Variants in DDX23 observed in about 807,000 individuals in gnomAD.
DDX23 encodes DEAD-box helicase 23, also known as probable ATP-dependent RNA helicase DDX23.
A neutral mutation model predicts 102.7 loss-of-function variants in DDX23; 33 were observed. The observed-to-expected ratio is 0.32, with a 90% CI of 0.24 to 0.43. The LOEUF is 0.43. DDX23 is among the 20% of genes least tolerant of loss of function. The pLI, the probability that DDX23 is intolerant of heterozygous loss-of-function variation, is 1.00. For synonymous variants in DDX23, 352 were observed against 376.0 expected (o/e 0.94, Z 0.74); for missense variants, 549 against 1,086.6 (o/e 0.51, Z 6.96).
At position 48,836,231 on chromosome 12, in the gene DDX23, A is replaced by G; in HGVS notation, c.1272T>C (p.Ile424=). Residue 424 remains isoleucine (I), a synonymous_variant, in exon 11 of 17, where the codon ATT becomes ATC. Coordinates refer to ENST00000308025, the MANE Select transcript of DDX23 (RefSeq NM_004818.3). The surrounding 1 kb of genome is among the most constrained non-coding windows in gnomAD (Gnocchi z 6.1). The part of the protein sequence containing the change: ...PTPIQRQAIP[I]GLQNRDIIGV... ...CAATGATGTCACGATTCTGTAGCCCAATGGGAATTGCCTGACGCTGTATAG... is the reference window on the plus strand; with the variant it reads ...CAATGATGTCACGATTCTGTAGCCCGATGGGAATTGCCTGACGCTGTATAG... The G allele has an allele frequency of 6.2e-7, 1 of 1,614,160 alleles. No individual in the cohort carries two copies. The highest frequency in any genetic ancestry group is 8.5e-7 in the Non-Finnish European group (1 of 1,180,030).
chr12:48,835,073 T>C, intron 11 of DDX23: 1 of 177,402 alleles, frequency 5.6e-6, no homozygotes, highest in Non-Finnish European at 1.2e-5. Context: ...GGTAAAACCC[T>C]GTTTCTACAA....
intron 2 of DDX23, 104 bp downstream of exon 2, chr12:48,845,470 A>G: frequency 7.6e-7 from 1 of 1,321,530 alleles, no homozygotes; most frequent in Non-Finnish European, 1.1e-6. Flanking sequence ...AAAAATAAAA[A>G]TAAAAAGTAG....
chr12:48,847,052 T>C (rs1029139712), intron 1 of DDX23, among the ~76,000 whole-genome samples: 1 of 152,240 alleles, frequency 6.6e-6, no homozygotes, highest in African/African-American at 2.4e-5. Flanking sequence ...TACAAGCCCC[T>C]TTCTCATGCC....
chr12:48,832,094 G>C lies in DDX23; in HGVS notation c.2048C>G (p.Ser683Cys), dbSNP rs767706016. 6.2e-7 allele frequency: 1 copy of C among 1,614,004 alleles called. No homozygotes were observed. The change falls in exon 15 of 17, where the codon TCC (serine) becomes TGC (cysteine). Residue 683 changes from serine (S) to cysteine (C), a missense_variant. Ser to Cys is a moderately radical substitution (Grantham distance 112). This residue lies in a region of DDX23 where 270 missense variants were observed against 707.0 expected (regional missense o/e 0.38). Coordinates refer to ENST00000308025, the MANE Select transcript of DDX23 (RefSeq NM_004818.3). This position sits in a 1 kb window ranked among gnomAD's most constrained non-coding sequence, Gnocchi z 4.4. ...QKKGCDVLAK[S>C]LEKMGYNACT... Reference sequence around the variant, plus strand: ...CAGACACACCCCCATCTTCTCCAGGGATTTGGCCAACACGTCGCAGCCCTT... The same window carrying C: ...CAGACACACCCCCATCTTCTCCAGGCATTTGGCCAACACGTCGCAGCCCTT...
chr12:48,839,772 T>C (rs1938520103), intron 5 of DDX23, 72 bp downstream of exon 5: 3 of 1,503,838 alleles, frequency 2.0e-6, no homozygotes, highest in Non-Finnish European at 2.7e-6. Context: ...ACTTCTGTCG[T>C]TGAAGTCACC....
intron 1 of DDX23, among the ~76,000 whole-genome samples, chr12:48,851,253 C>T (rs767550598): frequency 6.6e-6 from 1 of 152,138 alleles, no homozygotes; most frequent in Non-Finnish European, 1.5e-5. Context: ...AGGTGGATTG[C>T]CTGAGCTCAG....
chr12:48,848,661 T>C (rs1158332576), intron 1 of DDX23, among the ~76,000 whole-genome samples: 1 of 152,070 alleles, frequency 6.6e-6, no homozygotes, highest in Non-Finnish European at 1.5e-5. Context: ...CACGGCACAC[T>C]GCAGCCTTGA....
chr12:48,839,585 G>T, intron 5 of DDX23: 4 of 245,472 alleles, frequency 1.6e-5, no homozygotes, highest in African/African-American at 2.5e-5. Flanking sequence ...AAAAAAAAAA[G>T]GGCCTTTTAG....
Position 48,836,194 on chromosome 12 carries a change from T to G in DDX23, c.1309A>C (p.Thr437Pro). The G allele has an allele frequency of 6.2e-7, 1 of 1,614,022 alleles. No homozygotes were observed. Among genetic ancestry groups the G allele is most frequent in the Non-Finnish European group, 8.5e-7 (1 of 1,180,024 alleles). Residue 437 changes from threonine to proline, a missense_variant, in exon 11 of 17, where the codon ACT becomes CCT. Thr to Pro is a conservative substitution (Grantham distance 38). This residue lies in a region of DDX23 where 270 missense variants were observed against 707.0 expected (regional missense o/e 0.38). Transcript: ENST00000308025. The surrounding 1 kb of genome is among the most constrained non-coding windows in gnomAD (Gnocchi z 6.1). ...AAGGCTGCTGTCTTGCCACTGCCAG[T>G]CTCAGCCACACCAATGATGTCACGA... ...QNRDIIGVAETGSGKTAAFLI... is the reference protein window; with the variant it reads ...QNRDIIGVAEPGSGKTAAFLI...
At chr12:48,833,143 C>T (rs969002530) in intron 13 of DDX23, 134 bp downstream of exon 13, 1 of 1,352,278 alleles carries the variant, frequency 7.4e-7, no homozygotes, top group Non-Finnish European at 1.0e-6. Flanking sequence ...ACCACCAATG[C>T]CCAGCTAATT....
intron 7 of DDX23, 34 bp from the exon 8 acceptor site, chr12:48,837,427 T>C: frequency 6.2e-7 from 1 of 1,612,774 alleles, no homozygotes. Flanking sequence ...CACATGAGCT[T>C]TGAGGCCCAA....
rs1252080392 is a variant in DDX23, at chr12:48,832,689, T to C, written c.1804-116A>G. The C allele has an allele frequency of 1.5e-6, 2 of 1,296,448 alleles. No individual in the cohort carries two copies. The highest frequency in any genetic ancestry group is 1.6e-5 in the South Asian group (1 of 63,926). 80.3% of individuals were successfully genotyped at this position (1,296,448 alleles called of 1,614,324 possible). On this transcript the variant is annotated intron_variant, in intron 13 of 16. Coordinates refer to ENST00000308025, the MANE Select transcript of DDX23 (RefSeq NM_004818.3). The surrounding 1 kb of genome is among the most constrained non-coding windows in gnomAD (Gnocchi z 4.4). ...TCTAAAATGGGCCACAGTATAGGCT[T>C]TGATAGCCACCACCTTAGAAAATAG...
At position 48,836,065 on chromosome 12, in the gene DDX23, A is replaced by C; in HGVS notation, c.1382+56T>G. The C allele has an allele frequency of 6.3e-7, 1 of 1,580,170 alleles. No homozygotes were observed. Among genetic ancestry groups the C allele is most frequent in the Non-Finnish European group, 8.7e-7 (1 of 1,155,028 alleles). ...AACAAAAATCAAACATTCATTTGCC[A>C]CTTTCACCTTTCCTACCCAGACAAA... is the stretch of plus-strand genomic sequence containing the variant. On this transcript the variant is annotated intron_variant, in intron 11 of 16. Coordinates refer to ENST00000308025, the MANE Select transcript of DDX23 (RefSeq NM_004818.3). This position sits in a 1 kb window ranked among gnomAD's most constrained non-coding sequence, Gnocchi z 6.1.
rs2137478912 is a variant in DDX23 at position 48,830,397 on chromosome 12, G to T, written c.*72C>A. The stretch of plus-strand genomic sequence containing the variant: ...CCAAGAGTGAGGACCTGGAAAGAGG[G>T]ATGTGAGGGTTCTGAAAAACAGGCA... On this transcript the variant is annotated 3_prime_UTR_variant, in exon 17 of 17. Transcript: ENST00000308025. The surrounding 1 kb of genome is among the most constrained non-coding windows in gnomAD (Gnocchi z 4.9). The T allele has an allele frequency of 1.3e-6, 2 of 1,519,424 alleles. No individual in the cohort carries two copies. Among genetic ancestry groups the T allele is most frequent in the South Asian group, 1.1e-5 (1 of 88,014 alleles). 94.1% of individuals were successfully genotyped at this position (1,519,424 alleles called of 1,614,324 possible).
intron 5 of DDX23, chr12:48,839,623 A>C: frequency 2.0e-6 from 1 of 510,906 alleles, no homozygotes; most frequent in Non-Finnish European, 3.5e-6. Context: ...CACAAGGGGT[A>C]CATGTGTACA....
chr12:48,833,173 C>T (rs932979293), intron 13 of DDX23, 104 bp downstream of exon 13: 30 of 1,524,594 alleles, frequency 2.0e-5, no homozygotes, highest in African/African-American at 1.9e-4. Context: ...TTTGTAGAGA[C>T]GGAGTTTCGC....
chr12:48,838,228 G>T, intron 5 of DDX23, 148 bp from the exon 6 acceptor site: 2 of 1,163,712 alleles, frequency 1.7e-6, no homozygotes, highest in Admixed American at 2.4e-5. Context: ...ACTCGGTTAT[G>T]GACTGAACTA....
At chr12:48,848,178 C>T (rs1366603226) in intron 1 of DDX23, among the ~76,000 whole-genome samples, 4 of 151,762 alleles carry the variant, frequency 2.6e-5, no homozygotes, top group Non-Finnish European at 4.4e-5. Context: ...CCCACCTACT[C>T]GGGAGGCTGA....
chr12:48,836,120 C>A lies in DDX23; in HGVS notation c.1382+1G>T. 1 of 1,612,780 alleles carries A rather than the reference C, an allele frequency of 6.2e-7. No homozygotes were observed. The highest frequency in any genetic ancestry group is 8.5e-7 in the Non-Finnish European group (1 of 1,179,956). ...CTCCAGCTGGTGCTAGCTGACCTCA[C>A]CTGTCAATTTTGGGAAGTGTGGTGA... On this transcript the variant is annotated splice_donor_variant, in intron 11 of 16. Transcript: ENST00000308025. LOFTEE classifies it high-confidence loss of function. The surrounding 1 kb of genome is among the most constrained non-coding windows in gnomAD (Gnocchi z 6.1).
Sources: gnomAD v4.1 joint callset for allele counts (sites outside exome capture counted in the v4.1 genomes callset) on GRCh38, gnomAD v4.1.1 for gene constraint, gnomAD v4.1.1 regional missense constraint, Gnocchi (gnomAD v3.1) non-coding constraint, MANE v1.5 for transcripts, NCBI Gene and HGNC (gene_info 2026-07-23, HGNC 2026-07-21) for gene names.